CELF2: variants seen among roughly 807,000 people sequenced by gnomAD.
CELF2 encodes CUGBP Elav-like family member 2.
CELF2 carries 8 observed loss-of-function variants against 62.6 expected under a neutral mutation model. That is an observed-to-expected ratio of 0.13 (90% CI 0.07 to 0.23). The LOEUF (loss-of-function observed/expected upper bound fraction) is 0.23. Ranked by LOEUF, CELF2 falls within the 10% of genes least tolerant of loss-of-function variation. The pLI is 1.00. For missense variants in CELF2, 333 were observed against 671.0 expected (o/e 0.50, Z 5.56); for synonymous variants, 258 against 250.0 (o/e 1.03, Z -0.30).
chr10:11,034,179 AAC>A (rs2060585338), intron 1 of CELF2, among the ~76,000 whole-genome samples: 1 of 152,192 alleles, frequency 6.6e-6, no homozygotes, highest in Non-Finnish European at 1.5e-5. Flanking sequence ...TCTTGAAGGA[AAC>A]ACAAGTTTAA....
intron 2 of CELF2, among the ~76,000 whole-genome samples, chr10:11,188,118 T>A (rs2075434013): frequency 6.6e-6 from 1 of 152,228 alleles, no homozygotes; most frequent in Admixed American, 6.5e-5. Flanking sequence ...ATATATATAT[T>A]TTTTGAGACT....
rs181323955 is a variant in CELF2, at chr10:11,130,937, A to T, written c.75-34549A>T. 6.2e-4 allele frequency among the ~76,000 whole-genome samples: 94 copies of T among 152,332 alleles called. No homozygotes were observed. The East Asian group carries it at 8.9e-3, about 14-fold the overall frequency. On this transcript the variant is annotated intron_variant, in intron 1 of 12. Transcript: ENST00000633077. Reference sequence around the variant, plus strand: ...AGATATGAGAATCCCCTGAAAGTAGATTTTAGTGCATTTGCATATTAACAA... The same window carrying T: ...AGATATGAGAATCCCCTGAAAGTAGTTTTTAGTGCATTTGCATATTAACAA...
chr10:10,574,322 A>T, the CELF2 span, among the ~76,000 whole-genome samples: 333 of 152,314 alleles, frequency 2.2e-3, no homozygotes, highest in Non-Finnish European at 4.3e-3. Flanking sequence ...TAGAAGAAGG[A>T]TTGTGCAAGA....
At position 11,326,194 on chromosome 10, in the gene CELF2, C is replaced by G. The variant is rs78932002; in HGVS notation, c.1438+215C>G. ...ATACATTAGGTAATCTTCTATACTA[C>G]ACTATTAAGGAATCTAACCACAATT... On this transcript the variant is annotated intron_variant, in intron 12 of 12. Transcript: ENST00000633077. Among the ~76,000 whole-genome samples the G allele has an allele frequency of 2.7e-4, 41 of 152,354 alleles. No homozygotes were observed. In the East Asian group the frequency reaches 6.7e-3, roughly 25 times the overall value.
chr10:10,665,804 A>G, the CELF2 span, among the ~76,000 whole-genome samples: 10 of 152,210 alleles, frequency 6.6e-5, no homozygotes, highest in Non-Finnish European at 1.2e-4. Flanking sequence ...TTAAATGTTA[A>G]GGTCCACAAA....
intron 1 of CELF2, among the ~76,000 whole-genome samples, chr10:10,801,731 T>A (rs146350430): frequency 9.8e-4 from 149 of 152,350 alleles, no homozygotes; most frequent in African/African-American, 3.4e-3. Flanking sequence ...AAGATCCTCA[T>A]GTGTTTGGTC....
At chr10:10,912,206 A>G (rs1291179562) in intron 1 of CELF2, among the ~76,000 whole-genome samples, 1 of 152,234 alleles carries the variant, frequency 6.6e-6, no homozygotes, top group African/African-American at 2.4e-5. Context: ...ACCGCATCAG[A>G]GAGGTCTCCC....
At chr10:11,169,755 G>C (rs1162836045) in intron 2 of CELF2, among the ~76,000 whole-genome samples, 2 of 152,196 alleles carry the variant, frequency 1.3e-5, no homozygotes. Flanking sequence ...CGTCTGTCAT[G>C]GGAATGGAAG....
At chr10:11,288,092 C>T (rs564198783) in intron 8 of CELF2, among the ~76,000 whole-genome samples, 1 of 152,368 alleles carries the variant, frequency 6.6e-6, no homozygotes, top group Non-Finnish European at 1.5e-5. Flanking sequence ...CCACTTATCT[C>T]TACAGCATGG....
Position 11,278,587 on chromosome 10 carries a change from A to T in CELF2, c.841+3467A>T, listed in dbSNP as rs77224012. Among the ~76,000 whole-genome samples, 63 of 152,338 alleles carry T rather than the reference A, an allele frequency of 4.1e-4. 1 individual carries two copies. Among genetic ancestry groups the T allele is most frequent in the African/African-American group, 1.5e-3 (62 of 41,588 alleles). On this transcript the variant is annotated intron_variant, in intron 8 of 12. Coordinates refer to ENST00000633077, the MANE Select transcript of CELF2 (RefSeq NM_001326342.2). ...AACAACTATCAACTCAGAAGATCAT[A>T]TAACAGAAAAACAAGGGGTAGTGTT...
intron 1 of CELF2, among the ~76,000 whole-genome samples, chr10:10,889,423 C>G (rs1370505454): frequency 6.6e-6 from 1 of 152,118 alleles, no homozygotes; most frequent in Non-Finnish European, 1.5e-5. Flanking sequence ...CACCTAATAC[C>G]TTTTAAAAGA....
the CELF2 span, among the ~76,000 whole-genome samples, chr10:10,485,978 G>T: frequency 6.6e-6 from 1 of 152,216 alleles, no homozygotes; most frequent in East Asian, 1.9e-4. Flanking sequence ...CAGCAGTCAT[G>T]TCAAGAAAGA....
chr10:10,954,490 C>T (rs1473292507), intron 2 of CELF2, among the ~76,000 whole-genome samples: 1 of 152,130 alleles, frequency 6.6e-6, no homozygotes, highest in African/African-American at 2.4e-5. Flanking sequence ...TTGTGATCCG[C>T]CCACCTTGGC....
the CELF2 span, among the ~76,000 whole-genome samples, chr10:10,781,608 T>C: frequency 6.6e-6 from 1 of 152,178 alleles, no homozygotes; most frequent in Admixed American, 6.5e-5. Flanking sequence ...ATGATTCAGT[T>C]ACCTCCCACT....
rs567563672 is a variant in CELF2 at position 11,093,938 on chromosome 10, T to G, written c.75-71548T>G. 2.6e-5 allele frequency among the ~76,000 whole-genome samples: 4 copies of G among 152,374 alleles called. No homozygotes were observed. In the South Asian group the frequency reaches 6.2e-4, roughly 24 times the overall value. On this transcript the variant is annotated intron_variant, in intron 1 of 12. Transcript: ENST00000633077. The stretch of plus-strand genomic sequence containing the variant: ...GAGTCAGTGTTTTCCATCATTGTCA[T>G]GGACAATTAGTAGCCACTTAACAAT...
At chr10:10,598,143 T>C in the CELF2 span, among the ~76,000 whole-genome samples, 1 of 152,228 alleles carries the variant, frequency 6.6e-6, no homozygotes, top group Non-Finnish European at 1.5e-5. Flanking sequence ...CCTAAGGACA[T>C]AGAGCGCTTA....
At chr10:10,894,617 G>T (rs2062404375) in intron 1 of CELF2, among the ~76,000 whole-genome samples, 1 of 152,098 alleles carries the variant, frequency 6.6e-6, no homozygotes, top group Admixed American at 6.6e-5. Flanking sequence ...TCCAAACTTA[G>T]GAAATGTACA....
intron 4 of CELF2, among the ~76,000 whole-genome samples, chr10:11,254,945 C>A (rs1198153279): frequency 6.6e-6 from 1 of 152,190 alleles, no homozygotes; most frequent in African/African-American, 2.4e-5. Flanking sequence ...CTCCCCTTCC[C>A]GTTCACGGGA....
chr10:11,206,191 A>G (rs1260281033), intron 2 of CELF2, among the ~76,000 whole-genome samples: 1 of 152,200 alleles, frequency 6.6e-6, no homozygotes, highest in Non-Finnish European at 1.5e-5. Context: ...TTCTTAGTCC[A>G]GGGAATTCAA....
Sources: allele counts gnomAD v4.1 joint callset (sites outside exome capture counted in the v4.1 genomes callset), GRCh38; gene constraint gnomAD v4.1.1; transcripts MANE v1.5; gene names NCBI Gene and HGNC (gene_info 2026-07-23, HGNC 2026-07-21).